The following FAT3 variants were observed in gnomAD, a reference collection of about 807,000 sequenced individuals.
The protein encoded by FAT3 is FAT atypical cadherin 3.
Under a neutral mutation model 310.2 loss-of-function variants are expected in FAT3, and 95 were observed. That is an observed-to-expected ratio of 0.31 (90% CI 0.26 to 0.36). The LOEUF is 0.36. Ranked by LOEUF, FAT3 falls within the 10% of genes least tolerant of loss-of-function variation. The pLI is 1.00. For synonymous variants in FAT3, 2,314 were observed against 2,192.9 expected, an observed-to-expected ratio of 1.06 and a Z score of -1.54; for missense variants, 5,408 against 5,715.6, an observed-to-expected ratio of 0.95 and a Z score of 1.74.
chr11:92,428,902 G>A (rs953133238), intron 2 of FAT3, among the ~76,000 whole-genome samples: 8 of 152,250 alleles, frequency 5.3e-5, no homozygotes, highest in Non-Finnish European at 2.9e-5. Context: ...GGTCCACTCG[G>A]TCGAGAGCTG....
chr11:92,445,994 T>C (rs1458708138), intron 2 of FAT3, among the ~76,000 whole-genome samples: 1 of 152,214 alleles, frequency 6.6e-6, no homozygotes, highest in Non-Finnish European at 1.5e-5. Context: ...AAAATTGGAC[T>C]CTTAATTCGT....
intron 3 of FAT3, among the ~76,000 whole-genome samples, chr11:92,602,511 C>T (rs940472765): frequency 3.3e-5 from 5 of 152,166 alleles, no homozygotes; most frequent in African/African-American, 9.7e-5. Flanking sequence ...AGAAGTGGTG[C>T]CAGAATTTGA....
chr11:92,559,306 C>T (rs1955135680), intron 3 of FAT3: 1 of 194,662 alleles, frequency 5.1e-6, no homozygotes, highest in African/African-American at 2.4e-5. Context: ...TCTCTTATGC[C>T]CTGAGCCCCA....
chr11:92,862,679 C>A (rs886688985), intron 21 of FAT3, among the ~76,000 whole-genome samples: 4 of 152,124 alleles, frequency 2.6e-5, no homozygotes, highest in Non-Finnish European at 2.9e-5. Flanking sequence ...AAGCTCCCTA[C>A]AAGATTTGAG....
At chr11:92,860,690 C>G (rs1308344407) in intron 21 of FAT3, among the ~76,000 whole-genome samples, 1 of 152,174 alleles carries the variant, frequency 6.6e-6, no homozygotes, top group Non-Finnish European at 1.5e-5. Flanking sequence ...TTTGATATGT[C>G]AGATCCAAGT....
intron 2 of FAT3, among the ~76,000 whole-genome samples, chr11:92,384,487 C>T (rs1286837620): frequency 1.3e-5 from 2 of 152,186 alleles, no homozygotes; most frequent in Non-Finnish European, 2.9e-5. Flanking sequence ...AACTTTGACT[C>T]ATAACTTCTT....
chr11:92,789,004 A>G (rs958108215), intron 7 of FAT3, among the ~76,000 whole-genome samples: 2 of 152,214 alleles, frequency 1.3e-5, no homozygotes, highest in African/African-American at 4.8e-5. Context: ...TTATGAATAT[A>G]TATATGTGTG....
intron 1 of FAT3, among the ~76,000 whole-genome samples, chr11:92,306,583 TTTATATTATA>T (rs1196824696): frequency 7.8e-6 from 1 of 128,688 alleles, no homozygotes; most frequent in African/African-American, 3.0e-5. Context: ...ATTATATATA[TTTATATTATA>T]TATATTATAT....
At chr11:92,244,618 C>G (rs1386241913) in intron 1 of FAT3, among the ~76,000 whole-genome samples, 2 of 152,074 alleles carry the variant, frequency 1.3e-5, no homozygotes, top group African/African-American at 2.4e-5. Flanking sequence ...ATTGTATAGA[C>G]CAGTAATTCT....
chr11:92,428,237 T>G (rs1327786963), intron 2 of FAT3, among the ~76,000 whole-genome samples: 1 of 152,066 alleles, frequency 6.6e-6, no homozygotes, highest in African/African-American at 2.4e-5. Flanking sequence ...TTATCATTTT[T>G]ATTGTGTCTA....
At chr11:92,838,553 C>T (rs964732394) in intron 17 of FAT3, among the ~76,000 whole-genome samples, 4 of 152,090 alleles carry the variant, frequency 2.6e-5, no homozygotes, top group African/African-American at 9.7e-5. Flanking sequence ...GGAAATCTAG[C>T]CCAGGAAAAC....
At chr11:92,248,731 A>C (rs908840027) in intron 1 of FAT3, among the ~76,000 whole-genome samples, 1 of 150,400 alleles carries the variant, frequency 6.6e-6, no homozygotes, top group Non-Finnish European at 1.5e-5. Context: ...AGATTTCAAA[A>C]CTTAATATAT....
At chr11:92,637,723 G>A (rs1357852972) in intron 3 of FAT3, among the ~76,000 whole-genome samples, 1 of 152,160 alleles carries the variant, frequency 6.6e-6, no homozygotes, top group Non-Finnish European at 1.5e-5. Context: ...ATAAGAGCAA[G>A]GTAACTATGA....
At chr11:92,759,702 C>T (rs981175267) in intron 4 of FAT3, among the ~76,000 whole-genome samples, 8 of 152,212 alleles carry the variant, frequency 5.3e-5, no homozygotes, top group Admixed American at 2.6e-4. Context: ...CCACACTTCC[C>T]GCCTGTAGGT....
chr11:92,635,824 C>G (rs1941746563), intron 3 of FAT3, among the ~76,000 whole-genome samples: 1 of 152,250 alleles, frequency 6.6e-6, no homozygotes, highest in Middle Eastern at 3.4e-3. Context: ...TCTTGCAACT[C>G]AAAATAAATA....
chr11:92,344,830 C>T (rs1948366426), intron 1 of FAT3, among the ~76,000 whole-genome samples: 1 of 152,106 alleles, frequency 6.6e-6, no homozygotes, highest in Non-Finnish European at 1.5e-5. Flanking sequence ...CAGGCATTCA[C>T]TGGGTGTCTT....
At chr11:92,531,683 T>TG (rs371709693) in intron 3 of FAT3, among the ~76,000 whole-genome samples, 47 of 152,152 alleles carry the variant, frequency 3.1e-4, no homozygotes, top group African/African-American at 1.1e-3. Flanking sequence ...AGCCTTCCTC[T>TG]GGGGCTCAGC....
rs528326492 is a variant in FAT3 at position 92,258,766 on chromosome 11, C to T, written c.-18+33592C>T. ...GGCCGTGTACACAAGGAATTGGAGG[C>T]ACATGGGGGTTAGAGAAAGAGATGC... On this transcript the variant is annotated intron_variant, in intron 1 of 27. Coordinates refer to ENST00000525166, the MANE Select transcript of FAT3 (RefSeq NM_001367949.2). Among the ~76,000 whole-genome samples the T allele has an allele frequency of 3.9e-5, 6 of 151,976 alleles. No individual in the cohort carries two copies. In the South Asian group the frequency reaches 1.3e-3, roughly 32 times the overall value.
chr11:92,879,182 G>T (rs1949613951), intron 22 of FAT3, among the ~76,000 whole-genome samples: 1 of 152,232 alleles, frequency 6.6e-6, no homozygotes, highest in Admixed American at 6.5e-5. Context: ...GTGAAGTAAA[G>T]ACATGTTCAG....
Sources: gnomAD v4.1 joint callset for allele counts (sites outside exome capture counted in the v4.1 genomes callset) on GRCh38, gnomAD v4.1.1 for gene constraint, MANE v1.5 for transcripts, NCBI Gene and HGNC (gene_info 2026-07-23, HGNC 2026-07-21) for gene names.